Variants in CLCN6 observed in about 807,000 individuals in gnomAD.
CLCN6 encodes the protein H(+)/Cl(-) exchange transporter 6.
In CLCN6, 70 loss-of-function variants were observed where a neutral mutation model predicts 109.8. That is an observed-to-expected ratio of 0.64 (90% CI 0.53 to 0.78). The LOEUF (loss-of-function observed/expected upper bound fraction) is 0.78. Among genes scored for constraint, CLCN6 ranks in the 30% least tolerant of loss-of-function variants. The pLI, the probability that CLCN6 is intolerant of heterozygous loss-of-function variation, is 0.00. For synonymous variants in CLCN6, 444 were observed against 447.8 expected, an observed-to-expected ratio of 0.99 and a Z score of 0.11; for missense variants, 984 against 1,142.3, an observed-to-expected ratio of 0.86 and a Z score of 2.00.
chr1:11,812,745 A>G (rs1304280548), intron 2 of CLCN6, among the ~76,000 whole-genome samples: 1 of 149,244 alleles, frequency 6.7e-6, no homozygotes, highest in African/African-American at 2.5e-5. Flanking sequence ...ACCTGGAAAT[A>G]TGGTGCTTTG....
At chr1:11,821,957 G>A (rs1434958925) in intron 5 of CLCN6, among the ~76,000 whole-genome samples, 1 of 152,080 alleles carries the variant, frequency 6.6e-6, no homozygotes, top group African/African-American at 2.4e-5. Context: ...ACTTAATGTT[G>A]AGAAAAAAAG....
In CLCN6 at chr1:11,824,990, C is replaced by T. The variant is rs115515167; in HGVS notation, c.648+437C>T. On this transcript the variant is annotated intron_variant, in intron 8 of 22. Coordinates refer to ENST00000346436, the MANE Select transcript of CLCN6 (RefSeq NM_001286.5). ...TGCTAATTATGGTCTGTGTGCCAGACGCCATGTATACTAACTGCTTTCTCC... is the reference window on the plus strand; with the variant it reads ...TGCTAATTATGGTCTGTGTGCCAGATGCCATGTATACTAACTGCTTTCTCC... Among the ~76,000 whole-genome samples the T allele has an allele frequency of 4.0e-3, 616 of 152,248 alleles. 5 individuals carry two copies. Among genetic ancestry groups the T allele is most frequent in the African/African-American group, 0.014 (593 of 41,530 alleles).
intron 2 of CLCN6, among the ~76,000 whole-genome samples, chr1:11,812,607 A>G (rs1389947923): frequency 6.7e-6 from 1 of 150,136 alleles, no homozygotes; most frequent in Non-Finnish European, 1.5e-5. Context: ...GCCGCCACTC[A>G]TCTCATTAGC....
chr1:11,822,820 AC>A lies in CLCN6; in HGVS notation c.453+21del, dbSNP rs929326739. 4 of 1,523,912 alleles carry A rather than the reference AC, an allele frequency of 2.6e-6. No homozygotes were observed. In the Admixed American group the frequency reaches 6.7e-5, roughly 25 times the overall value. The allele number at this position is 1,523,912 out of a possible 1,614,324, so 94.4% of individuals were successfully genotyped here. ...CATTGAGGTGAGGTGGTTTGGATTC[AC>A]CTGCTCGCTTAGGAGGTTTTAGAGT... On this transcript the variant is annotated intron_variant, in intron 6 of 22. Coordinates refer to ENST00000346436, the MANE Select transcript of CLCN6 (RefSeq NM_001286.5).
chr1:11,828,503 T>A lies in CLCN6; in HGVS notation c.1000T>A (p.Leu334Met). The stretch of plus-strand genomic sequence containing the variant: ...ATGTCATCTCTGGACAGCTATGGAT[T>A]TGGGTTTCTTCGTCGTGATGGGGGT... Reference protein sequence around the residue: ...KKCHLWTAMDLGFFVVMGVIG... With the variant: ...KKCHLWTAMDMGFFVVMGVIG... The change falls in exon 12 of 23, where the codon TTG becomes ATG. Residue 334 changes from leucine to methionine, a missense_variant. Coordinates refer to ENST00000346436, the MANE Select transcript of CLCN6 (RefSeq NM_001286.5). The A allele has an allele frequency of 6.2e-7, 1 of 1,614,140 alleles. No individual in the cohort carries two copies. The highest frequency in any genetic ancestry group is 1.1e-5 in the South Asian group (1 of 91,088).
chr1:11,817,121 C>A (rs1557781104), intron 4 of CLCN6, among the ~76,000 whole-genome samples: 1 of 151,864 alleles, frequency 6.6e-6, no homozygotes, highest in East Asian at 1.9e-4. Flanking sequence ...GAGACAGGGT[C>A]TCGCTTTGTC....
At chr1:11,813,247 C>G (rs146804155) in intron 2 of CLCN6, among the ~76,000 whole-genome samples, 18 of 152,216 alleles carry the variant, frequency 1.2e-4, no homozygotes, top group Middle Eastern at 3.4e-3. Context: ...TTTCAGCAGA[C>G]CTTTAGAGAG....
chr1:11,830,783 TAC>T (rs71585869), intron 13 of CLCN6, among the ~76,000 whole-genome samples: 10,949 of 137,440 alleles, frequency 0.08, 765 homozygotes, highest in African/African-American at 0.18. Flanking sequence ...ACACTATATA[TAC>T]ACACACACAC....
intron 1 of CLCN6, 126 bp from the exon 2 acceptor site, chr1:11,807,005 G>C: frequency 1.2e-6 from 1 of 817,450 alleles, no homozygotes; most frequent in Non-Finnish European, 2.0e-6. Context: ...TTTTTTTGAG[G>C]GCTGGTTCCT....
chr1:11,829,441 C>T (rs921860802), intron 13 of CLCN6, 119 bp downstream of exon 13: 1 of 1,193,392 alleles, frequency 8.4e-7, no homozygotes, highest in African/African-American at 1.5e-5. Flanking sequence ...CACCCATTAC[C>T]TGAGCGTTGA....
intron 2 of CLCN6, among the ~76,000 whole-genome samples, chr1:11,812,360 A>G (rs760155812): frequency 1.3e-5 from 2 of 152,136 alleles, no homozygotes; most frequent in Non-Finnish European, 2.9e-5. Flanking sequence ...CAGGCACGCT[A>G]CCCTCCAGGA....
intron 1 of CLCN6, chr1:11,806,576 A>T (rs943079200): frequency 6.4e-6 from 3 of 467,276 alleles, no homozygotes; most frequent in East Asian, 7.1e-5. Context: ...GGCCAGCTCC[A>T]GTAAATCCCA....
rs1168388172 is a variant in CLCN6 at position 11,816,609 on chromosome 1, G to A, written c.214-6G>A. On this transcript the variant is annotated splice_polypyrimidine_tract_variant and splice_region_variant and intron_variant, in intron 3 of 22. Transcript: ENST00000346436. ...AAACTGAATCATTCTTTTCCTGTGT[G>A]AACAGAAAGGTCGAAGATATGAGGC... The A allele has an allele frequency of 6.2e-7, 1 of 1,611,792 alleles. No individual in the cohort carries two copies. The highest frequency in any genetic ancestry group is 1.3e-5 in the African/African-American group (1 of 75,018).
intron 8 of CLCN6, 22 bp from the exon 9 acceptor site, chr1:11,826,134 G>A (rs1284219258): frequency 6.3e-7 from 1 of 1,594,000 alleles, no homozygotes; most frequent in Admixed American, 1.7e-5. Flanking sequence ...CTCTTTAGTG[G>A]CTCTCTTTTC....
chr1:11,823,592 C>T lies in CLCN6; in HGVS notation c.454-115C>T. The T allele has an allele frequency of 4.3e-6, 6 of 1,405,466 alleles. No individual in the cohort carries two copies. The South Asian group carries it at 5.2e-5, about 12-fold the overall frequency. The allele number at this position is 1,405,466 out of a possible 1,614,324, so 87.1% of individuals were successfully genotyped here. On this transcript the variant is annotated intron_variant, in intron 6 of 22. Transcript: ENST00000346436. Reference sequence around the variant, plus strand: ...GGTTCTGCAAGCCCTCCAGGTGACGCTCACGCTGCTAATGAAGGTGGCCAG... The same window carrying T: ...GGTTCTGCAAGCCCTCCAGGTGACGTTCACGCTGCTAATGAAGGTGGCCAG...
In CLCN6 at chr1:11,831,481, A is replaced by G. The variant is rs910289132; in HGVS notation, c.1249-2034A>G. ...GTTTATATATTTTTAAAGGGTTGAG[A>G]GAAAAAAAAGAATATGCCGCAGAGA... On this transcript the variant is annotated intron_variant, in intron 13 of 22. Transcript: ENST00000346436. Among the ~76,000 whole-genome samples the G allele has an allele frequency of 1.0e-3, 152 of 152,224 alleles. 1 individual carries two copies. Among genetic ancestry groups the G allele is most frequent in the African/African-American group, 3.5e-3 (145 of 41,528 alleles).
At position 11,824,544 on chromosome 1, in the gene CLCN6, C is replaced by T. The variant is rs1644787694; in HGVS notation, c.639C>T (p.Gly213=). The change falls in exon 8 of 23, where the codon GGC becomes GGT. Residue 213 remains glycine, a synonymous_variant. Transcript: ENST00000346436. ...MIHSGSVVGA[G]LPQFQSISLR... Reference sequence around the variant, plus strand: ...ACAGTGGTTCGGTGGTGGGAGCTGGCCTCCCTCAGGTAAGATGGGCTGAGA... The same window carrying T: ...ACAGTGGTTCGGTGGTGGGAGCTGGTCTCCCTCAGGTAAGATGGGCTGAGA... 6.8e-6 allele frequency: 11 copies of T among 1,613,268 alleles called. No homozygotes were observed. Among genetic ancestry groups the T allele is most frequent in the Non-Finnish European group, 7.6e-6 (9 of 1,179,502 alleles).
At chr1:11,823,923 C>A in intron 7 of CLCN6, 90 bp downstream of exon 7, 1 of 1,533,432 alleles carries the variant, frequency 6.5e-7, no homozygotes, top group African/African-American at 1.4e-5. Flanking sequence ...ATTTGGACTG[C>A]AGGGCCCAGC....
chr1:11,817,015 T>G (rs1215372715), intron 4 of CLCN6, among the ~76,000 whole-genome samples: 2 of 152,220 alleles, frequency 1.3e-5, no homozygotes, highest in Non-Finnish European at 1.5e-5. Context: ...CTAATCTACC[T>G]AGTAAACTAG....
Sources: allele counts gnomAD v4.1 joint callset (sites outside exome capture counted in the v4.1 genomes callset), GRCh38; gene constraint gnomAD v4.1.1; transcripts MANE v1.5; gene names NCBI Gene and HGNC (gene_info 2026-07-23, HGNC 2026-07-21).